Variants in PHKB observed in about 807,000 individuals in gnomAD.
PHKB encodes phosphorylase b kinase regulatory subunit beta.
PHKB carries 122 observed loss-of-function variants against 152.1 expected under a neutral mutation model. That is an observed-to-expected ratio of 0.80 (90% CI 0.69 to 0.93). PHKB has a LOEUF of 0.93. Among genes scored for constraint, PHKB ranks in the 40% least tolerant of loss-of-function variants. The pLI, the probability that PHKB is intolerant of heterozygous loss-of-function variation, is 0.00. For synonymous variants in PHKB, 436 were observed against 464.9 expected, an observed-to-expected ratio of 0.94 and a Z score of 0.80; for missense variants, 1,304 against 1,328.4, an observed-to-expected ratio of 0.98 and a Z score of 0.29.
intron 26 of PHKB, among the ~76,000 whole-genome samples, chr16:47,683,551 G>C (rs2142095998): frequency 6.6e-6 from 1 of 152,308 alleles, no homozygotes; most frequent in South Asian, 2.1e-4. Context: ...GTGGCCATAG[G>C]ACCCTCCGAG....
At chr16:47,572,121 T>C (rs1971670766) in intron 7 of PHKB, among the ~76,000 whole-genome samples, 1 of 152,148 alleles carries the variant, frequency 6.6e-6, no homozygotes, top group South Asian at 2.1e-4. Context: ...GTATGTTGCC[T>C]GCTACTACAG....
At chr16:47,551,627 C>T (rs1971272308) in intron 7 of PHKB, among the ~76,000 whole-genome samples, 1 of 152,116 alleles carries the variant, frequency 6.6e-6, no homozygotes, top group South Asian at 2.1e-4. Flanking sequence ...GAGTATTTTA[C>T]TTCCAATTAT....
At chr16:47,526,301 C>T (rs1002077630) in intron 6 of PHKB, among the ~76,000 whole-genome samples, 2 of 151,872 alleles carry the variant, frequency 1.3e-5, no homozygotes, top group Admixed American at 6.6e-5. Context: ...CCCAGCTGCT[C>T]GCGAGGCTGA....
intron 7 of PHKB, among the ~76,000 whole-genome samples, chr16:47,548,618 A>AC (rs1475068320): frequency 1.3e-5 from 2 of 152,066 alleles, no homozygotes; most frequent in African/African-American, 4.8e-5. Context: ...AAAAAAAAAA[A>AC]AAAAGAAACA....
intron 6 of PHKB, among the ~76,000 whole-genome samples, chr16:47,545,707 T>G (rs543157199): frequency 1.2e-4 from 19 of 152,214 alleles, no homozygotes; most frequent in Admixed American, 2.6e-4. Context: ...GGTTCCATTC[T>G]CTATCCCTTT....
At position 47,682,074 on chromosome 16, in the gene PHKB, A is replaced by G. The variant is rs1227769230; in HGVS notation, c.2631-6967A>G. Among the ~76,000 whole-genome samples the G allele has an allele frequency of 2.0e-5, 3 of 152,158 alleles. No homozygotes were observed. In the East Asian group the frequency reaches 5.8e-4, roughly 29 times the overall value. On this transcript the variant is annotated intron_variant, in intron 26 of 30. Coordinates refer to ENST00000323584, the MANE Select transcript of PHKB (RefSeq NM_000293.3). The stretch of plus-strand genomic sequence containing the variant: ...TCTGGGTTGAAAATTCTTTCCTTTA[A>G]GAATGTTGAATATTGGCCCCCACTC...
chr16:47,615,198 G>A (rs1972493970), intron 14 of PHKB, among the ~76,000 whole-genome samples: 1 of 152,152 alleles, frequency 6.6e-6, no homozygotes, highest in African/African-American at 2.4e-5. Context: ...CAGGTGACAT[G>A]GGAGGATCAA....
At chr16:47,535,800 ACT>A (rs1265663406) in intron 6 of PHKB, among the ~76,000 whole-genome samples, 1 of 152,216 alleles carries the variant, frequency 6.6e-6, no homozygotes, top group Non-Finnish European at 1.5e-5. Context: ...TCTTAATGAT[ACT>A]CTTAAAACAT....
intron 6 of PHKB, among the ~76,000 whole-genome samples, chr16:47,530,246 A>G (rs1327675623): frequency 6.8e-6 from 1 of 147,782 alleles, no homozygotes; most frequent in Non-Finnish European, 1.5e-5. Context: ...AGTAATTTTC[A>G]TGTCTCAGCC....
intron 6 of PHKB, among the ~76,000 whole-genome samples, chr16:47,540,077 T>C (rs937650186): frequency 2.0e-5 from 3 of 152,194 alleles, no homozygotes; most frequent in Admixed American, 6.5e-5. Flanking sequence ...CTAAATTCTT[T>C]TCCTAGCAAA....
chr16:47,546,282 G>C (rs1472265333), intron 6 of PHKB, among the ~76,000 whole-genome samples: 1 of 152,154 alleles, frequency 6.6e-6, no homozygotes, highest in Non-Finnish European at 1.5e-5. Flanking sequence ...TGGTGTGGAT[G>C]TCCTTTTCGT....
chr16:47,693,532 A>G, intron 28 of PHKB, 25 bp downstream of exon 28: 1 of 1,613,360 alleles, frequency 6.2e-7, no homozygotes, highest in South Asian at 1.1e-5. Context: ...TGTTCACATA[A>G]AGAAAGGAGA....
chr16:47,587,877 A>G (rs1971961695), intron 9 of PHKB, 114 bp downstream of exon 9: 5 of 826,448 alleles, frequency 6.0e-6, no homozygotes, highest in Non-Finnish European at 7.9e-6. Context: ...TCCAGAAGGG[A>G]TAAGAGGACA....
At chr16:47,641,804 C>T in intron 16 of PHKB, 112 bp downstream of exon 16, 1 of 711,412 alleles carries the variant, frequency 1.4e-6, no homozygotes, top group Non-Finnish European at 2.6e-6. Flanking sequence ...GATATAGGAC[C>T]AGTAATCCAA....
intron 7 of PHKB, among the ~76,000 whole-genome samples, chr16:47,557,140 C>T (rs1274949678): frequency 1.3e-5 from 2 of 152,104 alleles, no homozygotes; most frequent in African/African-American, 2.4e-5. Flanking sequence ...GGAAAGGATT[C>T]CCTATTTAAT....
chr16:47,577,065 TTTTG>T (rs149846660), intron 7 of PHKB, among the ~76,000 whole-genome samples: 396 of 152,196 alleles, frequency 2.6e-3, no homozygotes, highest in African/African-American at 9.0e-3. Context: ...TTATTGATTT[TTTTG>T]TTTGTTTATT....
intron 13 of PHKB, among the ~76,000 whole-genome samples, chr16:47,604,267 T>G (rs1190082524): frequency 6.6e-6 from 1 of 152,194 alleles, no homozygotes; most frequent in African/African-American, 2.4e-5. Context: ...TCCTAGTTTG[T>G]TTGCCTTTAA....
At chr16:47,461,301 T>G (rs752333533), upstream of PHKB, 4 of 1,474,778 alleles carry the variant, frequency 2.7e-6, no homozygotes, top group African/African-American at 5.5e-5. Flanking sequence ...GGCCCGGCAT[T>G]GCTGACAGGC....
intron 1 of PHKB, among the ~76,000 whole-genome samples, chr16:47,490,828 G>A (rs1004596660): frequency 6.6e-6 from 1 of 152,078 alleles, no homozygotes; most frequent in Non-Finnish European, 1.5e-5. Context: ...TCAACCCACA[G>A]AGAAACCACA....
Sources: allele counts gnomAD v4.1 joint callset (sites outside exome capture counted in the v4.1 genomes callset), GRCh38; gene constraint gnomAD v4.1.1; transcripts MANE v1.5; gene names NCBI Gene and HGNC (gene_info 2026-07-23, HGNC 2026-07-21).